FANCA: variants seen among roughly 807,000 people sequenced by gnomAD.
The protein encoded by FANCA is FA complementation group A, also known as Fanconi anemia group A protein.
In FANCA, 236 loss-of-function variants were observed where a neutral mutation model predicts 194.3. That is an observed-to-expected ratio of 1.21 (90% CI 1.09 to 1.35). FANCA has a LOEUF of 1.35. Ranked by LOEUF, FANCA falls within the 40% of genes most tolerant of loss-of-function variation. The probability of loss-of-function intolerance (pLI) is 0.00; values close to 1 mark genes in which losing one functional copy is unlikely to be tolerated. For synonymous variants in FANCA, 1,014 were observed against 715.8 expected (o/e 1.42, Z -6.65); for missense variants, 2,628 against 1,813.9 (o/e 1.45, Z -8.15).
chr16:89,757,565 C>T (rs548061974), intron 30 of FANCA, among the ~76,000 whole-genome samples: 20 of 152,172 alleles, frequency 1.3e-4, no homozygotes, highest in Non-Finnish European at 2.9e-4. Context: ...AAAATGGATT[C>T]GTGGTTGCCG....
chr16:89,801,049 A>G (rs1230907994), intron 8 of FANCA, among the ~76,000 whole-genome samples: 1 of 148,962 alleles, frequency 6.7e-6, no homozygotes, highest in East Asian at 2.0e-4. Context: ...AAAAAAAAGA[A>G]AAAAGAAAAA....
intron 37 of FANCA, among the ~76,000 whole-genome samples, chr16:89,741,461 T>C (rs2062132103): frequency 6.6e-6 from 1 of 152,262 alleles, no homozygotes; most frequent in African/African-American, 2.4e-5. Flanking sequence ...ACATGGCACC[T>C]ATGCGTTGCG....
rs1042114824 is a variant in FANCA at position 89,783,209 on chromosome 16, A to C, written c.1471-107T>G. ...TCCACAGTGCTGAGTAGAGAAACAC[A>C]GCCCTTTACAGTCAGACTTATGAGT... On this transcript the variant is annotated intron_variant, in intron 15 of 42. Transcript: ENST00000389301. 10 of 810,034 alleles carry C rather than the reference A, an allele frequency of 1.2e-5. No individual in the cohort carries two copies. In the African/African-American group the frequency reaches 1.7e-4, roughly 14 times the overall value. 50.2% of individuals were successfully genotyped at this position (810,034 alleles called of 1,614,324 possible). A position where few individuals can be genotyped will look rare whatever the true frequency, so the allele number is the denominator to read the frequency against.
chr16:89,781,500 C>A (rs1214259545), intron 17 of FANCA, among the ~76,000 whole-genome samples: 2 of 147,724 alleles, frequency 1.4e-5, no homozygotes, highest in African/African-American at 2.5e-5. Context: ...GGTGAAACCC[C>A]ATCTCTACTA....
intron 10 of FANCA, chr16:89,798,734 G>C (rs537018342): frequency 1.5e-6 from 2 of 1,349,432 alleles, no homozygotes; most frequent in Admixed American, 6.2e-5. Context: ...ATCTGAGCAG[G>C]ATCTGTGGAG....
intron 31 of FANCA, among the ~76,000 whole-genome samples, chr16:89,751,008 C>A (rs555546414): frequency 3.3e-5 from 5 of 152,130 alleles, no homozygotes; most frequent in Non-Finnish European, 7.4e-5. Context: ...TCTCCTAAGT[C>A]AGCTTCCTGA....
At chr16:89,793,251 C>G (rs757376407) in intron 11 of FANCA, among the ~76,000 whole-genome samples, 1 of 152,114 alleles carries the variant, frequency 6.6e-6, no homozygotes, top group Non-Finnish European at 1.5e-5. Flanking sequence ...CGCTTGGTGA[C>G]GGGCGTCTTC....
rs554525485 is a variant in FANCA, at chr16:89,738,560, A to G, written c.*41T>C. 6 of 1,612,206 alleles carry G rather than the reference A, an allele frequency of 3.7e-6. No individual in the cohort carries two copies. Among genetic ancestry groups the G allele is most frequent in the Non-Finnish European group, 5.1e-6 (6 of 1,179,712 alleles). ...CTCCATGTTATGCTTGTAATAAATT[A>G]TTTACACGGGAGCTGGGCTGGTGTG... is the stretch of plus-strand genomic sequence containing the variant. On this transcript the variant is annotated 3_prime_UTR_variant, in exon 43 of 43. Transcript: ENST00000389301.
intron 29 of FANCA, among the ~76,000 whole-genome samples, chr16:89,760,899 GAC>G (rs1260941904): frequency 6.6e-6 from 1 of 152,098 alleles, no homozygotes; most frequent in Non-Finnish European, 1.5e-5. Context: ...CCAGGGCCTG[GAC>G]ACAGGTGTAC....
At chr16:89,751,386 T>C (rs1336942638) in intron 31 of FANCA, among the ~76,000 whole-genome samples, 1 of 152,122 alleles carries the variant, frequency 6.6e-6, no homozygotes, top group Admixed American at 6.6e-5. Context: ...CTGTCAGGAT[T>C]GCTTGAGCCC....
In FANCA at chr16:89,738,470, A is replaced by G. The variant is rs573302337; in HGVS notation, c.*131T>C. On this transcript the variant is annotated 3_prime_UTR_variant, in exon 43 of 43. Transcript: ENST00000389301. ...CTCGGGGCCGGACAGTTCATAAATA[A>G]TTGATTCCTTTCCCCACTAAAGCAG... is the stretch of plus-strand genomic sequence containing the variant. 3 of 1,466,306 alleles carry G rather than the reference A, an allele frequency of 2.0e-6. No homozygotes were observed. The African/African-American group carries it at 4.2e-5, about 20-fold the overall frequency. 90.8% of individuals were successfully genotyped at this position (1,466,306 alleles called of 1,614,324 possible). A position where few individuals can be genotyped will look rare whatever the true frequency, so the allele number is the denominator to read the frequency against.
At chr16:89,790,086 T>C (rs1421745349) in intron 14 of FANCA, among the ~76,000 whole-genome samples, 1 of 152,194 alleles carries the variant, frequency 6.6e-6, no homozygotes, top group Non-Finnish European at 1.5e-5. Context: ...ATGAAGTACT[T>C]GTTTCAGGAC....
At chr16:89,798,619 C>T in intron 10 of FANCA, 6 of 1,172,562 alleles carry the variant, frequency 5.1e-6, no homozygotes, top group Non-Finnish European at 6.4e-6. Context: ...TTCCACCCAG[C>T]CCCCACTCCT....
In FANCA at chr16:89,770,000, C is replaced by A. The variant is rs1246628258; in HGVS notation, c.2341G>T (p.Val781Leu). Reference protein sequence around the residue: ...HQGPSLSAPHVLGLAALAVHL... With the variant: ...HQGPSLSAPHLLGLAALAVHL... ...ACGGCCAGGGCAGCCAACCCCAGCA[C>A]ATGTGGGGCACTCAGGCTCGGGCCC... The change falls in exon 26 of 43, where the codon GTG becomes TTG. Residue 781 changes from valine (V) to leucine (L), a missense_variant. Coordinates refer to ENST00000389301, the MANE Select transcript of FANCA (RefSeq NM_000135.4). 5.0e-6 allele frequency: 8 copies of A among 1,613,876 alleles called. No homozygotes were observed. Among genetic ancestry groups the A allele is most frequent in the Non-Finnish European group, 6.8e-6 (8 of 1,180,010 alleles).
chr16:89,749,840 G>C lies in FANCA; in HGVS notation c.3129C>G (p.Ser1043=). Residue 1043 remains serine, a synonymous_variant, in exon 32 of 43, where the codon TCC becomes TCG. Transcript: ENST00000389301. ...DLIVPLGHTP[S]QEHFLFEIFR... is the part of the protein sequence containing the mutation. ...AAATCTCAAAGAGGAAGTGCTCCTG[G>C]GAAGGGGTGTGGCCGAGAGGCACTA... 1 of 1,614,220 alleles carries C rather than the reference G, an allele frequency of 6.2e-7. No homozygotes were observed. The highest frequency in any genetic ancestry group is 8.5e-7 in the Non-Finnish European group (1 of 1,180,042).
chr16:89,761,476 C>T (rs1267247792), intron 29 of FANCA, among the ~76,000 whole-genome samples: 1 of 148,334 alleles, frequency 6.7e-6, no homozygotes, highest in East Asian at 2.0e-4. Flanking sequence ...GCTTTACTTT[C>T]GCTTTTGCTT....
intron 9 of FANCA, among the ~76,000 whole-genome samples, 162 bp downstream of exon 9, chr16:89,799,443 A>T (rs2040364095): frequency 6.6e-6 from 1 of 152,206 alleles, no homozygotes; most frequent in African/African-American, 2.4e-5. Flanking sequence ...GTATCCCTTC[A>T]CAGCTCTGAA....
chr16:89,806,648 G>C (rs1328779338), intron 6 of FANCA, among the ~76,000 whole-genome samples: 3 of 152,132 alleles, frequency 2.0e-5, no homozygotes, highest in East Asian at 1.9e-4. Context: ...ACATGTTTCA[G>C]AGAGCACAGG....
Position 89,813,335 on chromosome 16 carries a change from G to T in FANCA, c.283+1185C>A, listed in dbSNP as rs545604237. Among the ~76,000 whole-genome samples, 15 of 151,542 alleles carry T rather than the reference G, an allele frequency of 9.9e-5. No homozygotes were observed. The East Asian group carries it at 2.7e-3, about 27-fold the overall frequency. On this transcript the variant is annotated intron_variant, in intron 3 of 42. Coordinates refer to ENST00000389301, the MANE Select transcript of FANCA (RefSeq NM_000135.4). ...GGGTGGGAGGATCACTTGAGGCCAG[G>T]AGGTCAAGACTGCAGTGAGCCGTGA...
Sources: allele counts gnomAD v4.1 joint callset (sites outside exome capture counted in the v4.1 genomes callset), GRCh38; gene constraint gnomAD v4.1.1; transcripts MANE v1.5; gene names NCBI Gene and HGNC (gene_info 2026-07-23, HGNC 2026-07-21).